NOS1: variants seen among roughly 807,000 people sequenced by gnomAD.
NOS1 encodes nitric oxide synthase 1.
NOS1 carries 51 observed loss-of-function variants against 164.5 expected under a neutral mutation model. The ratio of observed to expected loss-of-function variants is 0.31; its 90% CI spans 0.25 to 0.39. NOS1 has a LOEUF of 0.39. Among genes scored for constraint, NOS1 ranks in the 10% least tolerant of loss-of-function variants. The pLI is 1.00. For synonymous variants in NOS1, 719 were observed against 745.8 expected, an observed-to-expected ratio of 0.96 and a Z score of 0.59; for missense variants, 1,362 against 1,885.6, an observed-to-expected ratio of 0.72 and a Z score of 5.14.
At chr12:117,262,587 C>T (rs1243040912) in intron 13 of NOS1, among the ~76,000 whole-genome samples, 1 of 151,998 alleles carries the variant, frequency 6.6e-6, no homozygotes, top group East Asian at 1.9e-4. Context: ...GTTTGGGTCC[C>T]TGCAAGACCC....
At chr12:117,277,205 G>A (rs7297780) in intron 9 of NOS1, among the ~76,000 whole-genome samples, 49,667 of 151,690 alleles carry the variant, frequency 0.33, 8,397 homozygotes, top group Middle Eastern at 0.4. Flanking sequence ...ATCTCATTGT[G>A]GTTTTGATTT....
At chr12:117,334,460 G>A (rs757223993) in intron 1 of NOS1, among the ~76,000 whole-genome samples, 3 of 151,978 alleles carry the variant, frequency 2.0e-5, no homozygotes, top group Non-Finnish European at 4.4e-5. Flanking sequence ...GCAGTGGTGC[G>A]ATCTCAGCTC....
chr12:117,268,201 G>T, intron 10 of NOS1, 57 bp from the exon 11 acceptor site: 1 of 1,165,188 alleles, frequency 8.6e-7, no homozygotes, highest in Non-Finnish European at 1.3e-6. Flanking sequence ...ATTTCAGATT[G>T]AAGAGGGACA....
intron 20 of NOS1, among the ~76,000 whole-genome samples, chr12:117,236,344 C>T (rs1041317343): frequency 3.3e-5 from 5 of 152,138 alleles, no homozygotes; most frequent in African/African-American, 1.2e-4. Context: ...CAACCGAGAA[C>T]CTTTTGTGCT....
chr12:117,335,715 T>C (rs1306718680), intron 1 of NOS1, among the ~76,000 whole-genome samples: 1 of 105,612 alleles, frequency 9.5e-6, no homozygotes, highest in African/African-American at 3.8e-5. Flanking sequence ...TTTATTTAAT[T>C]GTTACAGACT....
At chr12:117,246,359 C>T (rs2135958883) in intron 18 of NOS1, among the ~76,000 whole-genome samples, 1 of 152,244 alleles carries the variant, frequency 6.6e-6, no homozygotes, top group South Asian at 2.1e-4. Flanking sequence ...TGGTCTTGAG[C>T]TCCTGGACTC....
chr12:117,219,540 T>C (rs816362), intron 27 of NOS1, among the ~76,000 whole-genome samples: 66,927 of 151,920 alleles, frequency 0.44, 17,539 homozygotes, highest in African/African-American at 0.75. Context: ...CTCCTGACCT[T>C]AGGTGATCCT....
Position 117,288,118 on chromosome 12 carries a change from A to G in NOS1, c.1083T>C (p.Pro361=), listed in dbSNP as rs1872822283. 1 of 1,614,086 alleles carries G rather than the reference A, an allele frequency of 6.2e-7. No individual in the cohort carries two copies. The highest frequency in any genetic ancestry group is 1.3e-5 in the African/African-American group (1 of 74,928). Residue 361 remains proline (P), a synonymous_variant, in exon 5 of 29, where the codon CCT becomes CCC. Coordinates refer to ENST00000317775, the MANE Select transcript of NOS1 (RefSeq NM_000620.5). ...ATTGATCAATAAACTCTTTGGCGAG[A>G]GGGAAGAGCTGTCCTTTTGTGCGGA... is the stretch of plus-strand genomic sequence containing the variant. ...EDVRTKGQLF[P]LAKEFIDQYY... is the part of the protein sequence containing the mutation.
Position 117,225,131 on chromosome 12 carries a change from G to T in NOS1, c.3711C>A (p.Pro1237=), listed in dbSNP as rs1382965351. 6.2e-7 allele frequency: 1 copy of T among 1,612,098 alleles called. No individual in the cohort carries two copies. The highest frequency in any genetic ancestry group is 8.5e-7 in the Non-Finnish European group (1 of 1,179,018). ...ELVPCFVRGA[P]SFHLPRNPQV... ...GGGGGTTCCGGGGCAGGTGGAAGCT[G>T]GGTGCTCTGGGCAAGGAAGAGGGGG... is the stretch of plus-strand genomic sequence containing the variant. Residue 1237 remains proline, a synonymous_variant, in exon 25 of 29, where the codon CCC becomes CCA. Coordinates refer to ENST00000317775, the MANE Select transcript of NOS1 (RefSeq NM_000620.5).
intron 2 of NOS1, among the ~76,000 whole-genome samples, chr12:117,329,491 T>C (rs1288003323): frequency 6.6e-6 from 1 of 152,000 alleles, no homozygotes; most frequent in African/African-American, 2.4e-5. Flanking sequence ...CTGGCAGCAC[T>C]GGGGGCTGTA....
chr12:117,247,818 C>A (rs41372344), intron 17 of NOS1, among the ~76,000 whole-genome samples: 27 of 151,934 alleles, frequency 1.8e-4, no homozygotes, highest in African/African-American at 6.0e-4. Flanking sequence ...TGGTGGCAGG[C>A]GCCTGTAGTC....
intron 25 of NOS1, among the ~76,000 whole-genome samples, chr12:117,224,354 C>T (rs1001987178): frequency 3.9e-5 from 6 of 152,102 alleles, no homozygotes; most frequent in African/African-American, 9.7e-5. Flanking sequence ...GGCACGATCT[C>T]GGCTCACTGC....
chr12:117,311,619 G>A (rs1253493726), intron 2 of NOS1, 27 bp from the exon 3 acceptor site: 1 of 1,600,686 alleles, frequency 6.2e-7, no homozygotes, highest in African/African-American at 1.3e-5. Flanking sequence ...GGCAGGTGAG[G>A]AAGGGGACAT....
chr12:117,297,730 C>A (rs1201371524), intron 3 of NOS1, among the ~76,000 whole-genome samples: 1 of 152,134 alleles, frequency 6.6e-6, no homozygotes, highest in Non-Finnish European at 1.5e-5. Flanking sequence ...AAGTAAGAAG[C>A]AGGTGTGCTG....
intron 3 of NOS1, among the ~76,000 whole-genome samples, chr12:117,290,843 T>G (rs1873002886): frequency 6.6e-6 from 1 of 152,134 alleles, no homozygotes; most frequent in South Asian, 2.1e-4. Context: ...TCGATTTACT[T>G]GGATTTCTAG....
chr12:117,341,230 C>T (rs1552227), intron 1 of NOS1, among the ~76,000 whole-genome samples: 38,997 of 152,012 alleles, frequency 0.26, 5,362 homozygotes, highest in South Asian at 0.34. Flanking sequence ...TGGACTGGTC[C>T]TGTCTCCCAT....
chr12:117,322,164 CCTTCTTTT>C (rs1874975403), intron 2 of NOS1, among the ~76,000 whole-genome samples: 1 of 128,902 alleles, frequency 7.8e-6, no homozygotes, highest in Admixed American at 7.9e-5. Context: ...CTCCCTCCTT[CCTTCTTTT>C]TCCTTCCTTC....
At chr12:117,313,795 C>T (rs1874547960) in intron 2 of NOS1, among the ~76,000 whole-genome samples, 1 of 152,202 alleles carries the variant, frequency 6.6e-6, no homozygotes, top group Non-Finnish European at 1.5e-5. Flanking sequence ...TACTGCCCTC[C>T]TACTTCCCAA....
intron 7 of NOS1, among the ~76,000 whole-genome samples, chr12:117,281,372 C>T (rs1212859469): frequency 3.3e-5 from 5 of 151,614 alleles, no homozygotes; most frequent in Admixed American, 6.6e-5. Flanking sequence ...TACAAAAAGT[C>T]AGCTGGGTGT....
Sources: gnomAD v4.1 joint callset for allele counts (sites outside exome capture counted in the v4.1 genomes callset) on GRCh38, gnomAD v4.1.1 for gene constraint, MANE v1.5 for transcripts, NCBI Gene and HGNC (gene_info 2026-07-23, HGNC 2026-07-21) for gene names.